The following UBR4 variants were observed in gnomAD, a reference collection of about 807,000 sequenced individuals.
UBR4 encodes the protein E3 ubiquitin-protein ligase UBR4.
In UBR4, 124 loss-of-function variants were observed where a neutral mutation model predicts 575.6. That is an observed-to-expected ratio of 0.22 (90% CI 0.19 to 0.25). The LOEUF (loss-of-function observed/expected upper bound fraction) is 0.25. Among genes scored for constraint, UBR4 ranks in the 10% least tolerant of loss-of-function variants. The pLI, the probability that UBR4 is intolerant of heterozygous loss-of-function variation, is 1.00. For missense variants in UBR4, 4,818 were observed against 6,478.8 expected, an observed-to-expected ratio of 0.74 and a Z score of 8.80; for synonymous variants, 2,455 against 2,473.7, an observed-to-expected ratio of 0.99 and a Z score of 0.22.
chr1:19,186,166 T>G (rs1205672549), intron 14 of UBR4, among the ~76,000 whole-genome samples: 1 of 152,202 alleles, frequency 6.6e-6, no homozygotes, highest in Admixed American at 6.5e-5. Context: ...ACTATGACTA[T>G]GATAACATCC....
intron 105 of UBR4, among the ~76,000 whole-genome samples, chr1:19,075,772 T>G (rs2075871538): frequency 6.6e-6 from 1 of 152,248 alleles, no homozygotes; most frequent in Non-Finnish European, 1.5e-5. Context: ...AGCCCTTTAG[T>G]GGGTCTCATT....
chr1:19,099,515 T>C, intron 90 of UBR4, 82 bp downstream of exon 90: 6 of 1,293,028 alleles, frequency 4.6e-6, no homozygotes, highest in Non-Finnish European at 6.6e-6. Flanking sequence ...TAAGTGATGA[T>C]GAACAATGGC....
chr1:19,163,734 C>T (rs758609496), intron 34 of UBR4, 30 bp downstream of exon 34: 1 of 1,609,398 alleles, frequency 6.2e-7, no homozygotes, highest in African/African-American at 1.3e-5. Context: ...TTTCCCTTCA[C>T]CCCCCATTGT....
intron 67 of UBR4, 132 bp from the exon 68 acceptor site, chr1:19,121,566 G>C: frequency 2.5e-6 from 3 of 1,195,250 alleles, no homozygotes; most frequent in South Asian, 3.1e-5. Flanking sequence ...CTCTCTGCTG[G>C]ACATTGTGAA....
At chr1:19,118,681 A>C (rs1282986281) in intron 71 of UBR4, 191 bp downstream of exon 71, 1 of 614,884 alleles carries the variant, frequency 1.6e-6, no homozygotes, top group East Asian at 2.8e-5. Flanking sequence ...CCCTGAACTC[A>C]GCAATGACAT....
chr1:19,110,027 C>T lies in UBR4; in HGVS notation c.12105+69G>A, dbSNP rs2079667293. ...AAGCGGAGACCATGAGGAGGCAGGG[C>T]ACACTGCCAGGGAATGAGGAGGGTG... On this transcript the variant is annotated intron_variant, in intron 81 of 105. Coordinates refer to ENST00000375254, the MANE Select transcript of UBR4 (RefSeq NM_020765.3). The surrounding 1 kb of genome is among the most constrained non-coding windows in gnomAD (Gnocchi z 4.5). 6.2e-7 allele frequency: 1 copy of T among 1,602,348 alleles called. No individual in the cohort carries two copies. The highest frequency in any genetic ancestry group is 1.7e-5 in the Admixed American group (1 of 59,594).
At chr1:19,116,288 T>C (rs780853491) in intron 73 of UBR4, among the ~76,000 whole-genome samples, 8 of 152,356 alleles carry the variant, frequency 5.3e-5, no homozygotes, top group Non-Finnish European at 1.0e-4. Context: ...CAGAGCTATG[T>C]AGCAGAGCTG....
intron 3 of UBR4, 46 bp from the exon 4 acceptor site, chr1:19,198,974 A>C (rs1020986979): frequency 6.3e-7 from 1 of 1,591,394 alleles, no homozygotes; most frequent in Non-Finnish European, 8.6e-7. Context: ...AAACAAATAG[A>C]TCTTTCAGAA....
chr1:19,114,619 C>G (rs958161150), intron 75 of UBR4, among the ~76,000 whole-genome samples, 192 bp downstream of exon 75: 3 of 152,238 alleles, frequency 2.0e-5, no homozygotes, highest in Non-Finnish European at 4.4e-5. Flanking sequence ...TTCTAAAATC[C>G]TATGCAAACC....
rs1458749095 is a variant in UBR4 at position 19,194,141 on chromosome 1, C to T, written c.1019-584G>A. Among the ~76,000 whole-genome samples the T allele has an allele frequency of 2.6e-5, 4 of 152,124 alleles. No individual in the cohort carries two copies. In the East Asian group the frequency reaches 7.7e-4, roughly 29 times the overall value. ...ACATGACACTATACATTTGTCAAAACCCATAGACCTGTACAACACAAAAAT... is the reference window on the plus strand; with the variant it reads ...ACATGACACTATACATTTGTCAAAATCCATAGACCTGTACAACACAAAAAT... On this transcript the variant is annotated intron_variant, in intron 8 of 105. Coordinates refer to ENST00000375254, the MANE Select transcript of UBR4 (RefSeq NM_020765.3).
chr1:19,145,506 G>GACACACACACACACACACACACAC (rs1557773651), intron 53 of UBR4, among the ~76,000 whole-genome samples: 3 of 43,396 alleles, frequency 6.9e-5, no homozygotes, highest in East Asian at 4.2e-3. Flanking sequence ...ATAAACCACT[G>GACACACACACACACACACACACAC]AGACACACAC....
At chr1:19,141,882 A>G in intron 55 of UBR4, 105 bp from the exon 56 acceptor site, 1 of 1,519,112 alleles carries the variant, frequency 6.6e-7, no homozygotes, top group Non-Finnish European at 8.9e-7. Flanking sequence ...GCTACCAGCT[A>G]GCACCCTGGG....
At chr1:19,092,725 G>A (rs947620217) in intron 97 of UBR4, 94 bp downstream of exon 97, 3 of 1,004,790 alleles carry the variant, frequency 3.0e-6, no homozygotes, top group South Asian at 1.8e-5. Flanking sequence ...TACTCTAGAA[G>A]TCTCATATAT....
At position 19,110,510 on chromosome 1, in the gene UBR4, G is replaced by A; in HGVS notation, c.11893-46C>T. 2 of 1,582,240 alleles carry A rather than the reference G, an allele frequency of 1.3e-6. No individual in the cohort carries two copies. The highest frequency in any genetic ancestry group is 1.7e-6 in the Non-Finnish European group (2 of 1,153,756). ...ACATGAGTCAAGAGGGTCAGCTCCG[G>A]TCCAGCGACTCTTAACTATTAATAC... On this transcript the variant is annotated intron_variant, in intron 79 of 105. Coordinates refer to ENST00000375254, the MANE Select transcript of UBR4 (RefSeq NM_020765.3). The surrounding 1 kb of genome is among the most constrained non-coding windows in gnomAD (Gnocchi z 4.5).
intron 99 of UBR4, 132 bp from the exon 100 acceptor site, chr1:19,086,953 C>A: frequency 1.6e-6 from 2 of 1,282,262 alleles, no homozygotes; most frequent in East Asian, 2.4e-5. Flanking sequence ...TAGGGAAGTT[C>A]AGAAGAGCAG....
At chr1:19,097,612 C>T (rs999659253) in intron 90 of UBR4, among the ~76,000 whole-genome samples, 2 of 152,194 alleles carry the variant, frequency 1.3e-5, no homozygotes, top group African/African-American at 4.8e-5. Flanking sequence ...TAAGTACTTT[C>T]TATGATCCTT....
intron 65 of UBR4, among the ~76,000 whole-genome samples, chr1:19,123,985 G>C (rs1328665276): frequency 1.3e-5 from 2 of 152,180 alleles, no homozygotes; most frequent in South Asian, 2.1e-4. Context: ...CTGGCAGCAG[G>C]AGGAAGAAGG....
At chr1:19,196,505 T>C (rs1402505619) in intron 8 of UBR4, among the ~76,000 whole-genome samples, 1 of 152,166 alleles carries the variant, frequency 6.6e-6, no homozygotes, top group Non-Finnish European at 1.5e-5. Context: ...CAAGGATCAG[T>C]GATCTGGGCT....
In UBR4 at chr1:19,164,359, T is replaced by C; in HGVS notation, c.4594A>G (p.Thr1532Ala). ...ACAACCATAAGTTCAGGGAAGCCAG[T>C]CCCATCACCGTTGGCCAGCATCTCT... is the stretch of plus-strand genomic sequence containing the variant. ...ATEMLANGDGTGFPELMVVMA... is the reference protein window; with the variant it reads ...ATEMLANGDGAGFPELMVVMA... Residue 1532 changes from threonine to alanine, a missense_variant, in exon 33 of 106, where the codon ACT (threonine) becomes GCT (alanine). This residue lies in a region of UBR4 where 1,172 missense variants were observed against 1,259.7 expected (regional missense o/e 0.93). Coordinates refer to ENST00000375254, the MANE Select transcript of UBR4 (RefSeq NM_020765.3). 1 of 1,614,124 alleles carries C rather than the reference T, an allele frequency of 6.2e-7. No homozygotes were observed. The highest frequency in any genetic ancestry group is 8.5e-7 in the Non-Finnish European group (1 of 1,180,030).
Sources: gnomAD v4.1 joint callset for allele counts (sites outside exome capture counted in the v4.1 genomes callset) on GRCh38, gnomAD v4.1.1 for gene constraint, gnomAD v4.1.1 regional missense constraint, Gnocchi (gnomAD v3.1) non-coding constraint, MANE v1.5 for transcripts, NCBI Gene and HGNC (gene_info 2026-07-23, HGNC 2026-07-21) for gene names.